CARD10: variants seen among roughly 807,000 people sequenced by gnomAD.
CARD10 encodes caspase recruitment domain family member 10, also known as caspase recruitment domain-containing protein 10.
CARD10 carries 49 observed loss-of-function variants against 114.6 expected under a neutral mutation model. The observed-to-expected ratio is 0.43, with a 90% CI of 0.34 to 0.54. CARD10 has a LOEUF of 0.54. CARD10 is among the 20% of genes least tolerant of loss of function. The pLI is 0.03. For missense variants in CARD10, 1,206 were observed against 1,397.2 expected (o/e 0.86, Z 2.18); for synonymous variants, 602 against 593.2 (o/e 1.01, Z -0.21).
At position 37,519,129 on chromosome 22, in the gene CARD10, C is replaced by G. The variant is rs940560625; in HGVS notation, c.72G>C (p.Glu24Asp). 1 of 1,564,586 alleles carries G rather than the reference C, an allele frequency of 6.4e-7. No homozygotes were observed. The highest frequency in any genetic ancestry group is 8.6e-7 in the Non-Finnish European group (1 of 1,162,664). ...CCTCGATTCGCTCCCACAGCGCGTC[C>G]TCCTCCGCCTCAGACCCCGAGCCGG... ...AGAGSGSEAE[E>D]DALWERIEGV... Residue 24 changes from glutamate (E) to aspartate (D), a missense_variant, in exon 1 of 20, where the codon GAG (glutamate) becomes GAC (aspartate). Physicochemically the swap from Glu to Asp is conservative, Grantham distance 45 (BLOSUM62 2). Coordinates refer to ENST00000251973, the MANE Select transcript of CARD10 (RefSeq NM_014550.4). This position sits in a 1 kb window ranked among gnomAD's most constrained non-coding sequence, Gnocchi z 4.1.
chr22:37,506,360 G>A lies in CARD10; in HGVS notation c.1215C>T (p.Ile405=). The A allele has an allele frequency of 6.3e-7, 1 of 1,594,158 alleles. No homozygotes were observed. Among genetic ancestry groups the A allele is most frequent in the Non-Finnish European group, 8.6e-7 (1 of 1,168,204 alleles). Residue 405 remains isoleucine, a synonymous_variant, in exon 7 of 20, where the codon ATC becomes ATT. Coordinates refer to ENST00000251973, the MANE Select transcript of CARD10 (RefSeq NM_014550.4). ...TGAGGCTCTGTGAGTACTGCAACTGGATCCGGTCACGGCTCTGGATGGCCT... is the reference window on the plus strand; with the variant it reads ...TGAGGCTCTGTGAGTACTGCAACTGAATCCGGTCACGGCTCTGGATGGCCT... The part of the protein sequence containing the change: ...RDQAIQSRDR[I]QLQYSQSLIE...
At chr22:37,493,427 ACT>A (rs1922878830) in intron 16 of CARD10, among the ~76,000 whole-genome samples, 1 of 151,842 alleles carries the variant, frequency 6.6e-6, no homozygotes, top group African/African-American at 2.4e-5. Flanking sequence ...GGATTATCTG[ACT>A]CTCTACCCCC....
At chr22:37,500,167 TGAC>T (rs1346520621) in intron 11 of CARD10, among the ~76,000 whole-genome samples, 1 of 152,204 alleles carries the variant, frequency 6.6e-6, no homozygotes, top group Non-Finnish European at 1.5e-5. Context: ...TCAATCCTCC[TGAC>T]AACCCGATGG....
Position 37,510,418 on chromosome 22 carries a change from C to T in CARD10, c.703G>A (p.Asp235Asn). 6.2e-7 allele frequency: 1 copy of T among 1,613,334 alleles called. No homozygotes were observed. The highest frequency in any genetic ancestry group is 8.5e-7 in the Non-Finnish European group (1 of 1,179,810). Reference protein sequence around the residue: ...LRSRDLQLAVDQLKLKVSRLE... With the variant: ...LRSRDLQLAVNQLKLKVSRLE... ...CGACTCACTTTGAGCTTGAGCTGAT[C>T]CACCTGGAGCCCAAGACATGGGTCA... Residue 235 changes from aspartate to asparagine, a missense_variant, in exon 4 of 20, where the codon GAT (aspartate) becomes AAT (asparagine). Asp to Asn is a conservative substitution (Grantham distance 23). Coordinates refer to ENST00000251973, the MANE Select transcript of CARD10 (RefSeq NM_014550.4).
At chr22:37,511,357 C>CAAAAAAA (rs1169625822) in intron 3 of CARD10, among the ~76,000 whole-genome samples, 1 of 65,822 alleles carries the variant, frequency 1.5e-5, no homozygotes, top group African/African-American at 7.0e-5. Flanking sequence ...GACCCTGTCT[C>CAAAAAAA]AAAAAAAAAA....
rs1281669841 is a variant in CARD10 at position 37,497,086 on chromosome 22, C to G, written c.1880G>C (p.Arg627Thr). The G allele has an allele frequency of 1.2e-6, 2 of 1,614,136 alleles. No homozygotes were observed. The highest frequency in any genetic ancestry group is 2.7e-5 in the African/African-American group (2 of 74,960). ...GPDGLSFYGD[R>T]WSGAVVRRVL... ...CCTGCGCACCACAGCCCCAGACCAT[C>G]TGTCCCCATAAAACGACAGTCCATC... Residue 627 changes from arginine to threonine, a missense_variant, in exon 12 of 20, where the codon AGA (arginine) becomes ACA (threonine). Around this residue, in one of 2 missense-constraint regions of CARD10, gnomAD observed 1,068 missense variants for 1,179.1 expected, o/e 0.91. Coordinates refer to ENST00000251973, the MANE Select transcript of CARD10 (RefSeq NM_014550.4).
At chr22:37,512,657 G>A (rs1923703088) in intron 3 of CARD10, among the ~76,000 whole-genome samples, 2 of 152,070 alleles carry the variant, frequency 1.3e-5, no homozygotes, top group South Asian at 4.1e-4. Flanking sequence ...GCCAGAGAAA[G>A]ACAGCTCGTT....
chr22:37,514,103 CAAAAAA>C (rs5845349), intron 3 of CARD10, among the ~76,000 whole-genome samples: 1 of 133,220 alleles, frequency 7.5e-6, no homozygotes, highest in Non-Finnish European at 1.6e-5. Context: ...GACTCCATCT[CAAAAAA>C]AAAAAAAAAA....
At position 37,492,956 on chromosome 22, in the gene CARD10, G is replaced by T. The variant is rs1055509128; in HGVS notation, c.2477-154C>A. ...ACACACACACACCCTTAGTAGGACC[G>T]ACGGTGGCAGTAGGCTCCTCCCTGA... On this transcript the variant is annotated intron_variant, in intron 16 of 19. Coordinates refer to ENST00000251973, the MANE Select transcript of CARD10 (RefSeq NM_014550.4). The surrounding 1 kb of genome is among the most constrained non-coding windows in gnomAD (Gnocchi z 5.7). Among the ~76,000 whole-genome samples, 1 of 152,014 alleles carries T rather than the reference G, an allele frequency of 6.6e-6. No individual in the cohort carries two copies. The highest frequency in any genetic ancestry group is 1.5e-5 in the Non-Finnish European group (1 of 67,984).
At chr22:37,517,125 C>T (rs1278701052) in intron 2 of CARD10, among the ~76,000 whole-genome samples, 3 of 152,086 alleles carry the variant, frequency 2.0e-5, no homozygotes, top group South Asian at 2.1e-4. Context: ...AGGATGTTCC[C>T]GTATCGTTGT....
At chr22:37,494,960 G>GC (rs1555933658) in intron 15 of CARD10, among the ~76,000 whole-genome samples, 21 of 149,576 alleles carry the variant, frequency 1.4e-4, no homozygotes, top group South Asian at 4.2e-4. Context: ...CTGCTGGTTT[G>GC]TTTTTTTTGT....
rs1200358715 is a variant in CARD10, at chr22:37,490,647, T to C, written c.*512A>G. On this transcript the variant is annotated 3_prime_UTR_variant, in exon 20 of 20. Coordinates refer to ENST00000251973, the MANE Select transcript of CARD10 (RefSeq NM_014550.4). ...GAGACACGAGGGGCACAGGTGACCA[T>C]GGGCCAGGGAACACCCCAGTCCATG... 1 of 154,014 alleles carries C rather than the reference T, an allele frequency of 6.5e-6. No individual in the cohort carries two copies. The highest frequency in any genetic ancestry group is 1.4e-5 in the Non-Finnish European group (1 of 69,364). The allele number at this position is 154,014 out of a possible 1,614,324, so 9.5% of individuals were successfully genotyped here.
In CARD10 at chr22:37,496,340, TG is replaced by T; in HGVS notation, c.2059+108del. On this transcript the variant is annotated intron_variant, in intron 13 of 19. Transcript: ENST00000251973. This position sits in a 1 kb window ranked among gnomAD's most constrained non-coding sequence, Gnocchi z 4.1. The stretch of plus-strand genomic sequence containing the variant: ...GGCGGGGAGCCAGGAGAAGGGCAAT[TG>T]GGGCAAGGCTGGTCCCTTCTCAGGT... 1 of 770,110 alleles carries T rather than the reference TG, an allele frequency of 1.3e-6. No homozygotes were observed. The allele number at this position is 770,110 out of a possible 1,614,324, so 47.7% of individuals were successfully genotyped here.
chr22:37,499,155 A>G (rs1923121732), intron 11 of CARD10, among the ~76,000 whole-genome samples: 1 of 151,946 alleles, frequency 6.6e-6, no homozygotes, highest in African/African-American at 2.4e-5. Context: ...GGTTTCTCTC[A>G]CTGTGGGTTG....
intron 3 of CARD10, among the ~76,000 whole-genome samples, chr22:37,510,753 C>T (rs1196247123): frequency 1.3e-5 from 2 of 152,180 alleles, no homozygotes; most frequent in African/African-American, 4.8e-5. Context: ...CCAGTATTCT[C>T]ATGGCAGAAA....
At chr22:37,510,946 G>A (rs1923616698) in intron 3 of CARD10, among the ~76,000 whole-genome samples, 1 of 152,088 alleles carries the variant, frequency 6.6e-6, no homozygotes, top group African/African-American at 2.4e-5. Context: ...GCTGGGCGTG[G>A]TGGCACATGC....
At chr22:37,493,469 G>A (rs1339178722) in intron 16 of CARD10, among the ~76,000 whole-genome samples, 1 of 152,114 alleles carries the variant, frequency 6.6e-6, no homozygotes, top group African/African-American at 2.4e-5. Flanking sequence ...ATGAGGGCAG[G>A]GACAGTCACG....
intron 2 of CARD10, among the ~76,000 whole-genome samples, chr22:37,517,302 C>T (rs1371789647): frequency 3.3e-5 from 5 of 152,134 alleles, no homozygotes; most frequent in East Asian, 1.9e-4. Context: ...AAAATACACA[C>T]GTAGGCGTGT....
intron 11 of CARD10, among the ~76,000 whole-genome samples, chr22:37,500,510 TC>T (rs1923175251): frequency 6.9e-6 from 1 of 145,594 alleles, no homozygotes; most frequent in East Asian, 2.1e-4. Context: ...CACCATCCCC[TC>T]CCGGCACCCA....
Sources: allele counts gnomAD v4.1 joint callset (sites outside exome capture counted in the v4.1 genomes callset), GRCh38; gene constraint gnomAD v4.1.1; regional missense constraint gnomAD v4.1.1; non-coding constraint Gnocchi (gnomAD v3.1); transcripts MANE v1.5; gene names NCBI Gene and HGNC (gene_info 2026-07-23, HGNC 2026-07-21).